GRIK1: variants seen among roughly 807,000 people sequenced by gnomAD.
The protein encoded by GRIK1 is glutamate receptor ionotropic, kainate 1.
A neutral mutation model predicts 105.7 loss-of-function variants in GRIK1; 69 were observed. That is an observed-to-expected ratio of 0.65 (90% confidence interval 0.54 to 0.80). The LOEUF is 0.80. Among genes scored for constraint, GRIK1 ranks in the 30% least tolerant of loss-of-function variants. GRIK1 has a pLI of 0.00. For missense variants in GRIK1, 1,109 were observed against 1,167.3 expected, an observed-to-expected ratio of 0.95 and a Z score of 0.73; for synonymous variants, 438 against 431.3, an observed-to-expected ratio of 1.02 and a Z score of -0.19.
At chr21:29,785,800 A>G (rs1185378509) in intron 1 of GRIK1, among the ~76,000 whole-genome samples, 1 of 152,168 alleles carries the variant, frequency 6.6e-6, no homozygotes, top group Non-Finnish European at 1.5e-5. Flanking sequence ...CCAAAATTAA[A>G]GCATCCATTC....
intron 7 of GRIK1, among the ~76,000 whole-genome samples, chr21:29,629,217 T>TGTGTGTGTGG (rs1555853100): frequency 0.023 from 3,372 of 148,918 alleles, 135 homozygotes; most frequent in African/African-American, 0.081. Flanking sequence ...TGTGTGTGTG[T>TGTGTGTGTGG]GTGTGTGTGT....
At chr21:29,560,948 A>G (rs985814512) in intron 15 of GRIK1, among the ~76,000 whole-genome samples, 3 of 152,140 alleles carry the variant, frequency 2.0e-5, no homozygotes, top group Non-Finnish European at 4.4e-5. Context: ...GGAGTTTTCT[A>G]TGGAAAGGAA....
At chr21:29,798,000 CTTCTT>C (rs2066604316) in intron 1 of GRIK1, among the ~76,000 whole-genome samples, 1 of 152,098 alleles carries the variant, frequency 6.6e-6, no homozygotes, top group African/African-American at 2.4e-5. Context: ...AGTATGTTTT[CTTCTT>C]TTGTTTTGTA....
intron 1 of GRIK1, among the ~76,000 whole-genome samples, chr21:29,782,744 A>G (rs2066157829): frequency 6.6e-6 from 1 of 152,250 alleles, no homozygotes; most frequent in African/African-American, 2.4e-5. Context: ...TGTCTTTCTC[A>G]GTTAATGAAT....
chr21:29,916,377 A>T (rs1279659643), intron 1 of GRIK1, among the ~76,000 whole-genome samples: 1 of 151,934 alleles, frequency 6.6e-6, no homozygotes, highest in Non-Finnish European at 1.5e-5. Context: ...CCAGAGAATA[A>T]CCTGTTTCTG....
At position 29,560,404 on chromosome 21, in the gene GRIK1, T is replaced by TTCCTTC. The variant is rs1568814290; in HGVS notation, c.2356+1219_2356+1220insGAAGGA. Among the ~76,000 whole-genome samples the TTCCTTC allele has an allele frequency of 5.9e-3, 453 of 76,792 alleles. 52 individuals are homozygous for TTCCTTC. Among genetic ancestry groups the TTCCTTC allele is most frequent in the African/African-American group, 0.01 (130 of 12,632 alleles). 50.4% of individuals were successfully genotyped at this position (76,792 alleles called of 152,430 possible). Reference sequence around the variant, plus strand: ...TCCTTCCTTCCTTCCTTCCTTCCTTTCTTTCTTTCTTTCTTTCTTTCTTTC... The same window carrying TTCCTTC: ...TCCTTCCTTCCTTCCTTCCTTCCTTTTCCTTCCTTTCTTTCTTTCTTTCTTTCTTTC... On this transcript the variant is annotated intron_variant, in intron 15 of 17. Transcript: ENST00000327783.
intron 1 of GRIK1, among the ~76,000 whole-genome samples, chr21:29,912,265 C>T (rs982466731): frequency 6.6e-6 from 1 of 152,224 alleles, no homozygotes; most frequent in Non-Finnish European, 1.5e-5. Context: ...AATAACATCT[C>T]CAACCATAAA....
At chr21:29,806,999 A>G (rs549474378) in intron 1 of GRIK1, among the ~76,000 whole-genome samples, 10 of 152,284 alleles carry the variant, frequency 6.6e-5, no homozygotes, top group African/African-American at 2.4e-4. Context: ...ATTAAGCCCC[A>G]TCTTCAATCC....
intron 14 of GRIK1, among the ~76,000 whole-genome samples, chr21:29,570,624 T>A (rs2090721271): frequency 6.6e-6 from 1 of 152,200 alleles, no homozygotes; most frequent in Non-Finnish European, 1.5e-5. Context: ...GAGAAGAATT[T>A]CCCAAAACAT....
chr21:29,817,817 A>G (rs1238330031), intron 1 of GRIK1, among the ~76,000 whole-genome samples: 1 of 152,164 alleles, frequency 6.6e-6, no homozygotes, highest in Non-Finnish European at 1.5e-5. Flanking sequence ...TAATAAATAC[A>G]GAGTCATTTA....
intron 1 of GRIK1, among the ~76,000 whole-genome samples, chr21:29,836,150 T>C (rs1703359619): frequency 6.6e-6 from 1 of 152,170 alleles, no homozygotes. Flanking sequence ...ATTTCTTAGA[T>C]ATAAAAAGAA....
At chr21:29,810,296 TA>T (rs11317254) in intron 1 of GRIK1, among the ~76,000 whole-genome samples, 65,160 of 147,014 alleles carry the variant, frequency 0.44, 14,429 homozygotes, top group African/African-American at 0.52. Flanking sequence ...GACTCTGTCT[TA>T]AAAAAAAAAA....
intron 1 of GRIK1, among the ~76,000 whole-genome samples, chr21:29,814,235 G>A (rs1488205956): frequency 1.3e-5 from 2 of 151,624 alleles, no homozygotes; most frequent in East Asian, 1.9e-4. Flanking sequence ...ACAGCCGTGA[G>A]TCACCGTGCC....
chr21:29,706,217 A>G (rs1223795445), intron 1 of GRIK1, among the ~76,000 whole-genome samples: 1 of 152,156 alleles, frequency 6.6e-6, no homozygotes, highest in East Asian at 1.9e-4. Flanking sequence ...TTTTTAAAAC[A>G]TCTCTGTATA....
chr21:29,741,338 TA>T (rs1569036279), intron 1 of GRIK1, among the ~76,000 whole-genome samples: 1 of 152,214 alleles, frequency 6.6e-6, no homozygotes, highest in African/African-American at 2.4e-5. Context: ...ATGTTTTTTT[TA>T]AATTAGAACA....
intron 1 of GRIK1, among the ~76,000 whole-genome samples, chr21:29,867,876 A>AAG (rs1358202826): frequency 9.5e-4 from 16 of 16,898 alleles, no homozygotes; most frequent in African/African-American, 3.0e-3. Context: ...GAAAGAGAGA[A>AAG]AGAGAGAGAA....
At chr21:29,597,149 C>T (rs563536621) in intron 8 of GRIK1, among the ~76,000 whole-genome samples, 55 of 152,318 alleles carry the variant, frequency 3.6e-4, no homozygotes, top group African/African-American at 1.3e-3. Context: ...TTTCCTCCCT[C>T]GGCTCCTGAG....
chr21:29,936,213 T>C (rs927492241), intron 1 of GRIK1, among the ~76,000 whole-genome samples: 3 of 152,202 alleles, frequency 2.0e-5, no homozygotes, highest in Non-Finnish European at 4.4e-5. Flanking sequence ...CTTAATCCTA[T>C]TTTCACCATG....
intron 1 of GRIK1, among the ~76,000 whole-genome samples, chr21:29,729,264 C>A (rs1161253090): frequency 1.3e-5 from 2 of 152,098 alleles, no homozygotes; most frequent in Non-Finnish European, 2.9e-5. Flanking sequence ...TGAGGCTGGG[C>A]ATTTCTTATT....
Sources: allele counts gnomAD v4.1 joint callset (sites outside exome capture counted in the v4.1 genomes callset), GRCh38; gene constraint gnomAD v4.1.1; transcripts MANE v1.5; gene names NCBI Gene and HGNC (gene_info 2026-07-23, HGNC 2026-07-21).